The following STIM1 variants were observed in gnomAD, a reference collection of about 807,000 sequenced individuals.
STIM1 encodes the protein stromal interaction molecule 1.
Under a neutral mutation model 74.7 loss-of-function variants are expected in STIM1, and 25 were observed. That is an observed-to-expected ratio of 0.33 (90% CI 0.24 to 0.47). STIM1 has a LOEUF of 0.47. STIM1 is among the 20% of genes least tolerant of loss of function. The pLI is 1.00. For missense variants in STIM1, 728 were observed against 920.8 expected (o/e 0.79, Z 2.71); for synonymous variants, 328 against 348.8 (o/e 0.94, Z 0.66).
intron 7 of STIM1, among the ~76,000 whole-genome samples, chr11:4,076,892 T>TA (rs1459773702): frequency 6.6e-6 from 1 of 151,888 alleles, no homozygotes; most frequent in Non-Finnish European, 1.5e-5. Flanking sequence ...TCAGAGAACA[T>TA]ATGCTGTGTG....
intron 1 of STIM1, among the ~76,000 whole-genome samples, chr11:3,860,386 T>C (rs1333858413): frequency 6.6e-6 from 1 of 152,262 alleles, no homozygotes; most frequent in Non-Finnish European, 1.5e-5. Context: ...AACTTGCCCA[T>C]GTTTACACAG....
chr11:3,984,932 G>C (rs2093543838), intron 2 of STIM1, among the ~76,000 whole-genome samples: 1 of 152,190 alleles, frequency 6.6e-6, no homozygotes, highest in Non-Finnish European at 1.5e-5. Flanking sequence ...GTTTCCAGAG[G>C]AATCAGGATG....
intron 3 of STIM1, among the ~76,000 whole-genome samples, chr11:4,046,413 G>A (rs1269476706): frequency 6.6e-6 from 1 of 152,058 alleles, no homozygotes; most frequent in Non-Finnish European, 1.5e-5. Context: ...CACTGTGTCT[G>A]CCTCATTTCC....
At chr11:4,049,491 A>AT (rs953358673) in intron 3 of STIM1, 51 of 147,206 alleles carry the variant, frequency 3.5e-4, no homozygotes, top group South Asian at 8.6e-4. Context: ...CACCTGGCTA[A>AT]TTTTTTTTTT....
chr11:4,047,651 C>T (rs1336884953), intron 3 of STIM1, among the ~76,000 whole-genome samples: 1 of 151,568 alleles, frequency 6.6e-6, no homozygotes, highest in East Asian at 1.9e-4. Context: ...AAGACAAAGA[C>T]AAAGACAAAA....
chr11:4,010,774 G>T (rs1466296425), intron 2 of STIM1, among the ~76,000 whole-genome samples: 1 of 151,962 alleles, frequency 6.6e-6, no homozygotes, highest in African/African-American at 2.4e-5. Context: ...CAATGTGCAG[G>T]TTTGTTACAT....
At position 3,857,096 on chromosome 11, in the gene STIM1, G is replaced by GTTTTT. The variant is rs1397784537; in HGVS notation, c.139+694_139+698dup. Among the ~76,000 whole-genome samples, 413 of 77,996 alleles carry GTTTTT rather than the reference G, an allele frequency of 5.3e-3. 71 individuals are homozygous for GTTTTT. The Middle Eastern group carries it at 0.068, about 13-fold the overall frequency. The allele number at this position is 77,996 out of a possible 152,430, so 51.2% of individuals were successfully genotyped here. ...TGAGGGTGGGAATTCCATGCTACAG[G>GTTTTT]TTTTTTTTTTTGTTTTTTTTTTTTT... On this transcript the variant is annotated intron_variant, in intron 1 of 12. Coordinates refer to ENST00000526596, the MANE Select transcript of STIM1 (RefSeq NM_001382567.1).
intron 1 of STIM1, among the ~76,000 whole-genome samples, chr11:3,877,708 G>T (rs747595029): frequency 6.6e-6 from 1 of 152,148 alleles, no homozygotes; most frequent in Non-Finnish European, 1.5e-5. Context: ...CAGGCCGAGG[G>T]CCTTGTTCTC....
chr11:3,903,248 G>T (rs1008715792), intron 1 of STIM1, among the ~76,000 whole-genome samples: 2 of 152,190 alleles, frequency 1.3e-5, no homozygotes, highest in Admixed American at 1.3e-4. Context: ...TATGTTTTCA[G>T]TGTGCTTGTT....
chr11:4,032,154 C>T (rs2094056011), intron 3 of STIM1, among the ~76,000 whole-genome samples: 2 of 152,320 alleles, frequency 1.3e-5, no homozygotes, highest in South Asian at 4.1e-4. Context: ...TGCGTTGCCA[C>T]ACCTCTCATC....
intron 2 of STIM1, among the ~76,000 whole-genome samples, chr11:3,991,974 A>AAAAAAAAG (rs2093617302): frequency 1.4e-3 from 63 of 44,468 alleles, no homozygotes; most frequent in Non-Finnish European, 2.2e-3. Context: ...AAAAAAAAAG[A>AAAAAAAAG]AAAAAAAAAA....
intron 2 of STIM1, among the ~76,000 whole-genome samples, chr11:3,986,292 T>C (rs1056275965): frequency 2.0e-5 from 3 of 152,086 alleles, no homozygotes; most frequent in African/African-American, 7.3e-5. Flanking sequence ...TTGCCTGAGA[T>C]GAATTTTTGG....
intron 1 of STIM1, among the ~76,000 whole-genome samples, chr11:3,954,233 A>G (rs1006118368): frequency 6.6e-6 from 1 of 151,926 alleles, no homozygotes; most frequent in Non-Finnish European, 1.5e-5. Flanking sequence ...CCCTTGCCAT[A>G]TTTTACTTTG....
At position 4,091,328 on chromosome 11, in the gene STIM1, C is replaced by T. The variant is rs142239530; in HGVS notation, c.1681C>T (p.Arg561Cys). 9.5e-5 allele frequency: 154 copies of T among 1,614,198 alleles called. No individual in the cohort carries two copies. Among genetic ancestry groups the T allele is most frequent in the Non-Finnish European group, 1.2e-4 (145 of 1,180,038 alleles). ...DSESSLHMSD[R>C]QRVAPKPPQM... is the part of the protein sequence containing the mutation. Reference sequence around the variant, plus strand: ...GGAGTCCTCCCTCCACATGAGTGACCGCCAGCGTGTGGCCCCCAAACCTCC... The same window carrying T: ...GGAGTCCTCCCTCCACATGAGTGACTGCCAGCGTGTGGCCCCCAAACCTCC... The change falls in exon 13 of 13, where the codon CGC becomes TGC. Residue 561 changes from arginine (R) to cysteine (C), a missense_variant. By Grantham distance (180) the Arg-to-Cys change is radical. Around this residue, in one of 5 missense-constraint regions of STIM1, gnomAD observed 352 missense variants for 370.1 expected, o/e 0.95. Transcript: ENST00000526596.
chr11:3,964,117 G>A (rs1590605886), intron 1 of STIM1, among the ~76,000 whole-genome samples: 1 of 152,174 alleles, frequency 6.6e-6, no homozygotes, highest in Non-Finnish European at 1.5e-5. Flanking sequence ...AAATTAACTT[G>A]TCCAATATCT....
intron 2 of STIM1, among the ~76,000 whole-genome samples, chr11:3,992,027 T>C (rs2093618423): frequency 6.9e-6 from 1 of 144,542 alleles, no homozygotes; most frequent in African/African-American, 2.5e-5. Context: ...CTAATTTGCA[T>C]TCCCATCAAC....
intron 1 of STIM1, among the ~76,000 whole-genome samples, chr11:3,918,190 T>A (rs1178764802): frequency 2.0e-5 from 3 of 152,186 alleles, no homozygotes; most frequent in African/African-American, 7.2e-5. Context: ...AAGAAAGATA[T>A]CAGATTTGGG....
At chr11:3,877,806 C>T (rs992256465) in intron 1 of STIM1, among the ~76,000 whole-genome samples, 1 of 152,280 alleles carries the variant, frequency 6.6e-6, no homozygotes, top group South Asian at 2.1e-4. Context: ...ATCTGTCTCC[C>T]AGCAAGGGTG....
chr11:4,075,214 T>C (rs2094431192), intron 7 of STIM1, among the ~76,000 whole-genome samples: 1 of 151,964 alleles, frequency 6.6e-6, no homozygotes, highest in Admixed American at 6.6e-5. Context: ...CAAAGAACAG[T>C]GGATAATAGG....
Sources: allele counts gnomAD v4.1 joint callset (sites outside exome capture counted in the v4.1 genomes callset), GRCh38; gene constraint gnomAD v4.1.1; regional missense constraint gnomAD v4.1.1; transcripts MANE v1.5; gene names NCBI Gene and HGNC (gene_info 2026-07-23, HGNC 2026-07-21).